Variants in SMYD3 observed in about 807,000 individuals in gnomAD.
SMYD3 encodes SET and MYND domain containing 3, also known as histone-lysine N-methyltransferase SMYD3.
SMYD3 carries 36 observed loss-of-function variants against 57.7 expected under a neutral mutation model. The observed-to-expected ratio is 0.62, with a 90% CI of 0.48 to 0.82. SMYD3 has a LOEUF of 0.82. Ranked by LOEUF, SMYD3 falls within the 40% of genes least tolerant of loss-of-function variation. The pLI is 0.00. For synonymous variants in SMYD3, 211 were observed against 195.0 expected, an observed-to-expected ratio of 1.08 and a Z score of -0.68; for missense variants, 515 against 538.8, an observed-to-expected ratio of 0.96 and a Z score of 0.44.
At chr1:246,373,421 T>C (rs2066221685) in intron 1 of SMYD3, among the ~76,000 whole-genome samples, 1 of 152,204 alleles carries the variant, frequency 6.6e-6, no homozygotes, top group African/African-American at 2.4e-5. Flanking sequence ...TCAAACATAA[T>C]TTAAATTAAA....
intron 7 of SMYD3, among the ~76,000 whole-genome samples, chr1:245,916,783 A>G (rs7528134): frequency 2.0e-5 from 3 of 152,052 alleles, no homozygotes; most frequent in Non-Finnish European, 4.4e-5. Flanking sequence ...AGTGATTCAC[A>G]TAAAATATGT....
In SMYD3 at chr1:245,905,467, G is replaced by A. The variant is rs12036743; in HGVS notation, c.813+10063C>T. On this transcript the variant is annotated intron_variant, in intron 8 of 11. Coordinates refer to ENST00000490107, the MANE Select transcript of SMYD3 (RefSeq NM_001167740.2). Reference sequence around the variant, plus strand: ...AATACTCCATGTGGCCAGGGGTAAAGGTGGCTGCGGGGTGAGGCTCCTGTG... The same window carrying A: ...AATACTCCATGTGGCCAGGGGTAAAAGTGGCTGCGGGGTGAGGCTCCTGTG... 9.8e-5 allele frequency among the ~76,000 whole-genome samples: 15 copies of A among 152,370 alleles called. No individual in the cohort carries two copies. The East Asian group carries it at 2.9e-3, about 29-fold the overall frequency.
intron 1 of SMYD3, among the ~76,000 whole-genome samples, chr1:246,457,892 G>C (rs2103035145): frequency 6.6e-6 from 1 of 152,298 alleles, no homozygotes; most frequent in Non-Finnish European, 1.5e-5. Context: ...CTTTCCAAAA[G>C]TTTTTCTGGA....
chr1:246,477,687 CACA>C lies in SMYD3; in HGVS notation c.164+29364_164+29366del, dbSNP rs199829777. Among the ~76,000 whole-genome samples the C allele has an allele frequency of 8.8e-3, 1,336 of 152,320 alleles. 24 individuals carry two copies. Among genetic ancestry groups the C allele is most frequent in the African/African-American group, 0.029 (1,196 of 41,566 alleles). ...GGAAAATTAAAGCTCATGGAATTTA[CACA>C]ACTTATTGAATCACCTAGTAACTGG... On this transcript the variant is annotated intron_variant, in intron 1 of 11. Coordinates refer to ENST00000490107, the MANE Select transcript of SMYD3 (RefSeq NM_001167740.2).
chr1:245,939,163 A>G (rs1353905938), intron 5 of SMYD3, among the ~76,000 whole-genome samples: 3 of 144,584 alleles, frequency 2.1e-5, no homozygotes, highest in African/African-American at 8.1e-5. Context: ...ATTAAAAAAT[A>G]AAAAAATTTA....
intron 1 of SMYD3, among the ~76,000 whole-genome samples, chr1:246,419,327 T>C (rs1363171302): frequency 1.3e-5 from 2 of 152,212 alleles, no homozygotes; most frequent in African/African-American, 4.8e-5. Flanking sequence ...CAAAGCCTGT[T>C]TGGTGGTCTC....
chr1:245,773,285 T>A (rs151312277), intron 10 of SMYD3, among the ~76,000 whole-genome samples: 194 of 152,308 alleles, frequency 1.3e-3, no homozygotes, highest in African/African-American at 4.3e-3. Flanking sequence ...AGTGTCCTCA[T>A]TAAGGGAAAG....
chr1:246,056,378 T>C (rs1297486239), intron 5 of SMYD3, among the ~76,000 whole-genome samples: 1 of 152,114 alleles, frequency 6.6e-6, no homozygotes, highest in African/African-American at 2.4e-5. Flanking sequence ...AATACTTAGA[T>C]AACCTCCATT....
chr1:245,807,710 T>G (rs1258770859), intron 10 of SMYD3, among the ~76,000 whole-genome samples: 1 of 151,782 alleles, frequency 6.6e-6, no homozygotes, highest in African/African-American at 2.4e-5. Flanking sequence ...CCCTTCCCTT[T>G]CAGAGACGCA....
In SMYD3 at chr1:245,957,166, C is replaced by T. The variant is rs370414911; in HGVS notation, c.532-27229G>A. On this transcript the variant is annotated intron_variant, in intron 5 of 11. Coordinates refer to ENST00000490107, the MANE Select transcript of SMYD3 (RefSeq NM_001167740.2). ...GGAATTAAATCCAAAAGTAAAGAGA[C>T]GACTGCCAACTACAGATAAGATTTT... Among the ~76,000 whole-genome samples, 8 of 152,246 alleles carry T rather than the reference C, an allele frequency of 5.3e-5. No individual in the cohort carries two copies. In the East Asian group the frequency reaches 5.8e-4, roughly 11 times the overall value.
intron 5 of SMYD3, among the ~76,000 whole-genome samples, chr1:246,024,390 T>G: frequency 1.4e-5 from 1 of 69,546 alleles, no homozygotes. Context: ...ATACAGGAAG[T>G]GGACAGCATC....
chr1:246,048,128 T>C (rs1437793725), intron 5 of SMYD3, among the ~76,000 whole-genome samples: 1 of 152,028 alleles, frequency 6.6e-6, no homozygotes, highest in Non-Finnish European at 1.5e-5. Flanking sequence ...TACACGTGAA[T>C]CACAAAAAAG....
intron 5 of SMYD3, among the ~76,000 whole-genome samples, chr1:246,160,729 T>C (rs1295525508): frequency 2.0e-5 from 3 of 152,192 alleles, no homozygotes; most frequent in Non-Finnish European, 2.9e-5. Context: ...CCCAAATTCC[T>C]GACACAGAGC....
intron 5 of SMYD3, among the ~76,000 whole-genome samples, chr1:246,147,081 A>G (rs543474093): frequency 6.6e-6 from 1 of 152,242 alleles, no homozygotes; most frequent in East Asian, 1.9e-4. Flanking sequence ...CACCCGGAGT[A>G]TTTACAATAC....
intron 10 of SMYD3, among the ~76,000 whole-genome samples, chr1:245,857,920 A>G (rs2051334038): frequency 6.6e-6 from 1 of 152,180 alleles, no homozygotes. Flanking sequence ...TCAGTCAAGA[A>G]GCAATTACCT....
chr1:246,315,415 C>T (rs2065141047), intron 5 of SMYD3, among the ~76,000 whole-genome samples: 1 of 152,146 alleles, frequency 6.6e-6, no homozygotes, highest in Non-Finnish European at 1.5e-5. Flanking sequence ...TAAGAATAAG[C>T]AGGACCTCAA....
At chr1:246,217,328 G>GTA (rs1463292686) in intron 5 of SMYD3, among the ~76,000 whole-genome samples, 1 of 152,038 alleles carries the variant, frequency 6.6e-6, no homozygotes, top group East Asian at 1.9e-4. Flanking sequence ...ACAAGCCAGG[G>GTA]TAACGTAGGG....
intron 5 of SMYD3, among the ~76,000 whole-genome samples, chr1:246,288,514 A>G (rs935015581): frequency 6.6e-6 from 1 of 152,122 alleles, no homozygotes; most frequent in Non-Finnish European, 1.5e-5. Flanking sequence ...GACTCCCCAG[A>G]GTGGAGAGAT....
At chr1:246,125,066 C>T (rs1401273020) in intron 5 of SMYD3, among the ~76,000 whole-genome samples, 2 of 68,442 alleles carry the variant, frequency 2.9e-5, no homozygotes, top group Non-Finnish European at 5.2e-5. Flanking sequence ...AGCGAGACTC[C>T]GTCTCAAAAA....
Sources: gnomAD v4.1 joint callset for allele counts (sites outside exome capture counted in the v4.1 genomes callset) on GRCh38, gnomAD v4.1.1 for gene constraint, MANE v1.5 for transcripts, NCBI Gene and HGNC (gene_info 2026-07-23, HGNC 2026-07-21) for gene names.